PTPRK: variants seen among roughly 807,000 people sequenced by gnomAD.
PTPRK encodes protein tyrosine phosphatase receptor type K.
PTPRK carries 75 observed loss-of-function variants against 178.0 expected under a neutral mutation model. The ratio of observed to expected loss-of-function variants is 0.42; its 90% confidence interval spans 0.35 to 0.51. The LOEUF is 0.51. Ranked by LOEUF, PTPRK falls within the 20% of genes least tolerant of loss-of-function variation. PTPRK has a pLI of 0.02. For synonymous variants in PTPRK, 637 were observed against 620.6 expected, an observed-to-expected ratio of 1.03 and a Z score of -0.39; for missense variants, 1,441 against 1,797.8, an observed-to-expected ratio of 0.80 and a Z score of 3.59.
At chr6:128,387,661 T>A (rs1400101859) in intron 2 of PTPRK, among the ~76,000 whole-genome samples, 1 of 152,134 alleles carries the variant, frequency 6.6e-6, no homozygotes, top group African/African-American at 2.4e-5. Flanking sequence ...GAGGTTTTTT[T>A]AAATAAAGTA....
At chr6:128,183,430 ACT>A (rs1290962215) in intron 7 of PTPRK, among the ~76,000 whole-genome samples, 2 of 152,156 alleles carry the variant, frequency 1.3e-5, no homozygotes, top group African/African-American at 4.8e-5. Context: ...AAATTATTGG[ACT>A]CTCTATCATC....
At chr6:128,277,350 C>T (rs1820880436) in intron 3 of PTPRK, among the ~76,000 whole-genome samples, 1 of 152,118 alleles carries the variant, frequency 6.6e-6, no homozygotes, top group Admixed American at 6.6e-5. Context: ...TCAATTCATG[C>T]TGCTGTTAGA....
At chr6:128,115,711 T>C (rs1431545181) in intron 7 of PTPRK, among the ~76,000 whole-genome samples, 1 of 152,074 alleles carries the variant, frequency 6.6e-6, no homozygotes, top group East Asian at 1.9e-4. Flanking sequence ...AAAAGTAATA[T>C]ATGATATACA....
At chr6:128,210,457 G>A (rs889457409) in intron 6 of PTPRK, among the ~76,000 whole-genome samples, 1 of 150,988 alleles carries the variant, frequency 6.6e-6, no homozygotes, top group Non-Finnish European at 1.5e-5. Flanking sequence ...TTTTGGGGAG[G>A]GGGGGTGGGG....
chr6:128,316,993 T>C (rs1362391316), intron 3 of PTPRK, among the ~76,000 whole-genome samples: 1 of 152,196 alleles, frequency 6.6e-6, no homozygotes, highest in African/African-American at 2.4e-5. Flanking sequence ...GATTAAAAAG[T>C]AGCAGCAAAG....
chr6:128,316,263 A>C (rs950854809), intron 3 of PTPRK, among the ~76,000 whole-genome samples: 1 of 152,216 alleles, frequency 6.6e-6, no homozygotes, highest in Non-Finnish European at 1.5e-5. Context: ...TATCTCTTCC[A>C]CTGCTCCTTT....
chr6:128,102,457 A>C (rs1369901303), intron 7 of PTPRK, among the ~76,000 whole-genome samples: 3 of 152,208 alleles, frequency 2.0e-5, no homozygotes, highest in Non-Finnish European at 4.4e-5. Context: ...CAGGAGTTAC[A>C]AATGTGGTCT....
chr6:128,438,935 AATGACCATATAATTATTCAGTG>A (rs1184217249), intron 1 of PTPRK, among the ~76,000 whole-genome samples: 1 of 152,182 alleles, frequency 6.6e-6, no homozygotes, highest in Non-Finnish European at 1.5e-5. Context: ...AGAAAAAAAA[AATGACCATATAATTATTCAGTG>A]ATGGATCAGT....
At chr6:128,257,334 A>AT (rs1179114168) in intron 3 of PTPRK, among the ~76,000 whole-genome samples, 1 of 151,614 alleles carries the variant, frequency 6.6e-6, no homozygotes, top group Non-Finnish European at 1.5e-5. Flanking sequence ...ATTTTATTTT[A>AT]TTTTTGAAGG....
At chr6:128,081,524 A>C (rs1289043662) in intron 10 of PTPRK, among the ~76,000 whole-genome samples, 1 of 151,974 alleles carries the variant, frequency 6.6e-6, no homozygotes, top group Non-Finnish European at 1.5e-5. Flanking sequence ...AATGAAAGAC[A>C]TATTTTATGG....
At position 128,067,763 on chromosome 6, in the gene PTPRK, T is replaced by G. The variant is rs1782072148; in HGVS notation, c.1913A>C (p.His638Pro). ...SAYQIVVEEL[H>P]PHRTKREAGA... Reference sequence around the variant, plus strand: ...GGCTTCTCTCTTGGTTCGGTGTGGGTGCAGTTCTTCCACAACAATCTGATA... The same window carrying G: ...GGCTTCTCTCTTGGTTCGGTGTGGGGGCAGTTCTTCCACAACAATCTGATA... The change falls in exon 12 of 30, where the codon CAC becomes CCC. Residue 638 changes from histidine to proline, a missense_variant. By Grantham distance (77) the His-to-Pro change is moderately conservative (BLOSUM62 -2). This residue lies in a region of PTPRK where 945 missense variants were observed against 1,080.6 expected (regional missense o/e 0.87). Coordinates refer to ENST00000368226, the MANE Select transcript of PTPRK (RefSeq NM_002844.4). The G allele has an allele frequency of 6.2e-7, 1 of 1,609,014 alleles. No homozygotes were observed. Among genetic ancestry groups the G allele is most frequent in the African/African-American group, 1.3e-5 (1 of 74,828 alleles).
chr6:128,137,992 T>A (rs1317776525), intron 7 of PTPRK, among the ~76,000 whole-genome samples: 1 of 152,108 alleles, frequency 6.6e-6, no homozygotes, highest in Non-Finnish European at 1.5e-5. Flanking sequence ...CCGGCACATA[T>A]TTAGAAAGAC....
intron 1 of PTPRK, among the ~76,000 whole-genome samples, chr6:128,501,814 T>C (rs1855602292): frequency 6.6e-6 from 1 of 152,176 alleles, no homozygotes; most frequent in Admixed American, 6.5e-5. Flanking sequence ...AAAATAATGA[T>C]AAAAGACCAT....
At chr6:128,481,948 G>A (rs1026102920) in intron 1 of PTPRK, among the ~76,000 whole-genome samples, 10 of 152,124 alleles carry the variant, frequency 6.6e-5, no homozygotes, top group Admixed American at 2.0e-4. Flanking sequence ...TTTGGCTACC[G>A]TACATTTTCT....
chr6:128,013,500 C>T (rs919535262), intron 13 of PTPRK, among the ~76,000 whole-genome samples: 2 of 151,562 alleles, frequency 1.3e-5, no homozygotes, highest in East Asian at 3.9e-4. Context: ...ATAATCTTAT[C>T]TCATGCCAGT....
intron 22 of PTPRK, among the ~76,000 whole-genome samples, chr6:127,984,208 G>A (rs752824192): frequency 9.9e-5 from 15 of 151,976 alleles, no homozygotes; most frequent in Non-Finnish European, 1.6e-4. Flanking sequence ...TGGCATATGC[G>A]TCCTCTCAAA....
intron 7 of PTPRK, among the ~76,000 whole-genome samples, chr6:128,093,785 C>G: frequency 6.6e-6 from 1 of 151,672 alleles, no homozygotes; most frequent in South Asian, 2.1e-4. Flanking sequence ...ATACAGTGTA[C>G]TATCCTAAGT....
intron 7 of PTPRK, among the ~76,000 whole-genome samples, chr6:128,140,567 A>G (rs1367815279): frequency 6.6e-6 from 1 of 152,016 alleles, no homozygotes; most frequent in Non-Finnish European, 1.5e-5. Flanking sequence ...TAATTTCCCA[A>G]AAATTTATAG....
chr6:128,357,066 G>A (rs1033128955), intron 2 of PTPRK, among the ~76,000 whole-genome samples: 1 of 152,164 alleles, frequency 6.6e-6, no homozygotes, highest in Non-Finnish European at 1.5e-5. Context: ...AGAATTTCTA[G>A]ACACAATTTA....
Sources: gnomAD v4.1 joint callset for allele counts (sites outside exome capture counted in the v4.1 genomes callset) on GRCh38, gnomAD v4.1.1 for gene constraint, gnomAD v4.1.1 regional missense constraint, MANE v1.5 for transcripts, NCBI Gene and HGNC (gene_info 2026-07-23, HGNC 2026-07-21) for gene names.